The following SETD3 variants were observed in gnomAD, a reference collection of about 807,000 sequenced individuals.
The protein encoded by SETD3 is SET domain containing 3, actin N3(tau)-histidine methyltransferase, also known as actin-histidine N-methyltransferase.
A neutral mutation model predicts 63.0 loss-of-function variants in SETD3; 19 were observed. That is an observed-to-expected ratio of 0.30 (90% CI 0.21 to 0.44). The LOEUF (loss-of-function observed/expected upper bound fraction) is 0.44. SETD3 is among the 20% of genes least tolerant of loss of function. SETD3 has a pLI of 1.00. For missense variants in SETD3, 587 were observed against 728.5 expected (o/e 0.81, Z 2.24); for synonymous variants, 286 against 264.1 (o/e 1.08, Z -0.80).
At chr14:99,417,555 A>C (rs991140653) in intron 6 of SETD3, among the ~76,000 whole-genome samples, 6 of 152,246 alleles carry the variant, frequency 3.9e-5, no homozygotes, top group African/African-American at 1.4e-4. Context: ...AGATACAGAC[A>C]TGCACTTAAA....
rs577086838 is a variant in SETD3 at position 99,407,905 on chromosome 14, G to A, written c.850-1315C>T. On this transcript the variant is annotated intron_variant, in intron 8 of 12. Transcript: ENST00000331768. Reference sequence around the variant, plus strand: ...TGAAGTGGTCTTTGAGAATATTCACGTGATGCATGAACCCGCAGGGGAAAG... The same window carrying A: ...TGAAGTGGTCTTTGAGAATATTCACATGATGCATGAACCCGCAGGGGAAAG... Among the ~76,000 whole-genome samples, 21 of 152,278 alleles carry A rather than the reference G, an allele frequency of 1.4e-4. No individual in the cohort carries two copies. The East Asian group carries it at 2.5e-3, about 18-fold the overall frequency.
intron 4 of SETD3, among the ~76,000 whole-genome samples, chr14:99,460,982 G>T (rs569513569): frequency 6.6e-6 from 1 of 152,296 alleles, no homozygotes; most frequent in East Asian, 1.9e-4. Context: ...ACTTGCCCCA[G>T]TCACTGATTA....
At position 99,399,139 on chromosome 14, in the gene SETD3, G is replaced by C; in HGVS notation, c.1339-14C>G. Reference sequence around the variant, plus strand: ...GGATTTATCTTCCTGGAAAACAAGAGCAAAATTAATTACAAGAAGTCTAAA... The same window carrying C: ...GGATTTATCTTCCTGGAAAACAAGACCAAAATTAATTACAAGAAGTCTAAA... On this transcript the variant is annotated splice_polypyrimidine_tract_variant and intron_variant, in intron 12 of 12. Coordinates refer to ENST00000331768, the MANE Select transcript of SETD3 (RefSeq NM_032233.3). 1 of 1,609,422 alleles carries C rather than the reference G, an allele frequency of 6.2e-7. No homozygotes were observed. The highest frequency in any genetic ancestry group is 8.5e-7 in the Non-Finnish European group (1 of 1,176,670).
At chr14:99,465,151 C>A (rs1895296026) in intron 2 of SETD3, among the ~76,000 whole-genome samples, 2 of 152,188 alleles carry the variant, frequency 1.3e-5, no homozygotes, top group African/African-American at 2.4e-5. Context: ...GAAAAAAAAT[C>A]AGAAGCACTG....
intron 6 of SETD3, chr14:99,444,307 T>C (rs373590377): frequency 2.8e-4 from 42 of 152,312 alleles, no homozygotes; most frequent in African/African-American, 9.6e-4. Flanking sequence ...TGAATTTCCA[T>C]GCTCGCTTAG....
chr14:99,466,099 T>C (rs959415147), intron 1 of SETD3, among the ~76,000 whole-genome samples: 1 of 152,144 alleles, frequency 6.6e-6, no homozygotes, highest in African/African-American at 2.4e-5. Context: ...TTTAATTACA[T>C]AGATTTCACT....
chr14:99,440,025 T>C (rs1595208598), intron 6 of SETD3, among the ~76,000 whole-genome samples: 3 of 152,100 alleles, frequency 2.0e-5, no homozygotes, highest in Admixed American at 1.3e-4. Flanking sequence ...CCCAGGCTGG[T>C]CTTGAACTCC....
intron 10 of SETD3, 133 bp downstream of exon 10, chr14:99,405,072 G>T: frequency 7.9e-7 from 1 of 1,262,534 alleles, no homozygotes; most frequent in Non-Finnish European, 1.1e-6. Flanking sequence ...GCTTAAATTT[G>T]CTGTGCCACG....
At chr14:99,414,426 C>A (rs943066830) in intron 6 of SETD3, among the ~76,000 whole-genome samples, 2 of 152,220 alleles carry the variant, frequency 1.3e-5, no homozygotes, top group Non-Finnish European at 2.9e-5. Context: ...TTCTCTCCGA[C>A]TTAAGTCATT....
chr14:99,413,902 C>T lies in SETD3; in HGVS notation c.708G>A (p.Lys236=), dbSNP rs1398156146. The T allele has an allele frequency of 1.2e-6, 2 of 1,614,034 alleles. No individual in the cohort carries two copies. Among genetic ancestry groups the T allele is most frequent in the Non-Finnish European group, 1.7e-6 (2 of 1,180,002 alleles). ...THPHANKLPL[K]DSFTYEDYRW... Reference sequence around the variant, plus strand: ...TGTAGTCCTCGTAAGTGAAAGAATCCTTCAAGGGTAGTTTGTTGGCATGAG... The same window carrying T: ...TGTAGTCCTCGTAAGTGAAAGAATCTTTCAAGGGTAGTTTGTTGGCATGAG... The change falls in exon 7 of 13, where the codon AAG becomes AAA. Residue 236 remains lysine, a synonymous_variant. Coordinates refer to ENST00000331768, the MANE Select transcript of SETD3 (RefSeq NM_032233.3).
intron 1 of SETD3, among the ~76,000 whole-genome samples, chr14:99,466,031 G>T (rs758375368): frequency 2.0e-5 from 3 of 151,740 alleles, no homozygotes; most frequent in African/African-American, 4.8e-5. Context: ...TGGAAGAAAA[G>T]TTCGTTCTTT....
upstream of SETD3, chr14:99,481,418 T>A (rs571324950): frequency 2.5e-6 from 1 of 398,004 alleles, no homozygotes; most frequent in South Asian, 1.3e-4. Flanking sequence ...CGACATTCCA[T>A]ATACAAGATG....
intron 6 of SETD3, among the ~76,000 whole-genome samples, chr14:99,435,155 T>C (rs985604010): frequency 6.6e-6 from 1 of 152,212 alleles, no homozygotes; most frequent in Non-Finnish European, 1.5e-5. Context: ...GCCATGCATA[T>C]TGTCATGTTT....
At chr14:99,436,775 G>A (rs1447762438) in intron 6 of SETD3, among the ~76,000 whole-genome samples, 6 of 152,118 alleles carry the variant, frequency 3.9e-5, no homozygotes, top group African/African-American at 9.7e-5. Context: ...ACTACTACTC[G>A]TGGCCCCACA....
chr14:99,452,853 G>T lies in SETD3; in HGVS notation c.675+5426C>A, dbSNP rs572176132. On this transcript the variant is annotated intron_variant, in intron 6 of 12. Coordinates refer to ENST00000331768, the MANE Select transcript of SETD3 (RefSeq NM_032233.3). ...CGAGCCAGCAGGCAGATCGCGGGGG[G>T]AGAAAACAAAATAGGTTTCAGTTCA... Among the ~76,000 whole-genome samples the T allele has an allele frequency of 2.6e-5, 4 of 152,142 alleles. 1 individual carries two copies. Among genetic ancestry groups the T allele is most frequent in the Non-Finnish European group, 2.9e-5 (2 of 68,046 alleles).
intron 2 of SETD3, 125 bp from the exon 3 acceptor site, chr14:99,463,703 G>C: frequency 1.4e-6 from 1 of 700,400 alleles, no homozygotes; most frequent in East Asian, 2.7e-5. Context: ...TTAAAAGACA[G>C]ACATATGACA....
At chr14:99,474,337 A>C (rs1369338339) in intron 1 of SETD3, among the ~76,000 whole-genome samples, 1 of 152,040 alleles carries the variant, frequency 6.6e-6, no homozygotes, top group East Asian at 1.9e-4. Context: ...AAATAAATAA[A>C]TAAATTAAAT....
intron 1 of SETD3, among the ~76,000 whole-genome samples, chr14:99,474,959 GGTTTTA>G (rs1895896992): frequency 6.6e-6 from 1 of 151,322 alleles, no homozygotes; most frequent in Non-Finnish European, 1.5e-5. Context: ...TTACATAGTA[GGTTTTA>G]GTTTTAAACT....
upstream of SETD3, chr14:99,481,604 G>T (rs369853503): frequency 2.5e-6 from 1 of 394,116 alleles, no homozygotes; most frequent in African/African-American, 2.1e-5. Flanking sequence ...GCCTCCCTCC[G>T]CTAACCTCCG....
Sources: gnomAD v4.1 joint callset for allele counts (sites outside exome capture counted in the v4.1 genomes callset) on GRCh38, gnomAD v4.1.1 for gene constraint, MANE v1.5 for transcripts, NCBI Gene and HGNC (gene_info 2026-07-23, HGNC 2026-07-21) for gene names.